FCF1: variants seen among roughly 807,000 people sequenced by gnomAD.
The protein encoded by FCF1 is FCF1 rRNA-processing protein, also known as rRNA-processing protein FCF1 homolog.
A neutral mutation model predicts 32.5 loss-of-function variants in FCF1; 17 were observed. That is an observed-to-expected ratio of 0.52 (90% CI 0.36 to 0.78). FCF1 has a LOEUF of 0.78. FCF1 is among the 30% of genes least tolerant of loss of function. The probability of loss-of-function intolerance (pLI) is 0.00; values close to 1 mark genes in which losing one functional copy is unlikely to be tolerated. For missense variants in FCF1, 201 were observed against 241.1 expected (o/e 0.83, Z 1.10); for synonymous variants, 84 against 78.4 (o/e 1.07, Z -0.38).
intron 3 of FCF1, chr14:74,715,646 T>C (rs1451030472): frequency 5.1e-5 from 22 of 434,854 alleles, no homozygotes; most frequent in Non-Finnish European, 8.5e-5. Flanking sequence ...AACTGTATTC[T>C]ACCTCCCTGT....
chr14:74,730,542 C>A (rs758505178), intron 5 of FCF1, among the ~76,000 whole-genome samples: 1 of 152,160 alleles, frequency 6.6e-6, no homozygotes, highest in Non-Finnish European at 1.5e-5. Context: ...GGTGAAACCT[C>A]ATCTCTGCTA....
At chr14:74,721,019 A>C (rs894288190) in intron 4 of FCF1, among the ~76,000 whole-genome samples, 1 of 150,374 alleles carries the variant, frequency 6.7e-6, no homozygotes, top group Non-Finnish European at 1.5e-5. Context: ...CCGGGATTGC[A>C]GGTGTGTTCC....
At chr14:74,713,261 T>C in intron 1 of FCF1, 61 bp downstream of exon 1, 1 of 1,613,970 alleles carries the variant, frequency 6.2e-7, no homozygotes, top group East Asian at 2.2e-5. Context: ...GAGAAGGAGG[T>C]AGTCAGACCG....
At position 74,735,929 on chromosome 14, in the gene FCF1, G is replaced by A. The variant is rs1301343410; in HGVS notation, c.*999G>A. 6.5e-6 allele frequency: 1 copy of A among 153,150 alleles called. No individual in the cohort carries two copies. The highest frequency in any genetic ancestry group is 1.4e-5 in the Non-Finnish European group (1 of 69,214). The allele number at this position is 153,150 out of a possible 1,614,324, so 9.5% of individuals were successfully genotyped here. On this transcript the variant is annotated 3_prime_UTR_variant, in exon 8 of 8. Coordinates refer to ENST00000341162, the MANE Select transcript of FCF1 (RefSeq NM_015962.5). ...GTTTATTTGTTTGTTTTGAGACGGA[G>A]TCTCGCTCTGTCACCAGGCTGGAGT...
At position 74,713,454 on chromosome 14, in the gene FCF1, A is replaced by G. The variant is rs769537759; in HGVS notation, c.4-31A>G. The G allele has an allele frequency of 6.7e-5, 108 of 1,608,716 alleles. No individual in the cohort carries two copies. In the East Asian group the frequency reaches 2.3e-3, roughly 35 times the overall value. On this transcript the variant is annotated intron_variant, in intron 1 of 7. Transcript: ENST00000341162. ...CTTTAAAAGATGCCGTGTGTTTCCA[A>G]CTTTTTTAATTCTAAAATTTCTGTT...
At chr14:74,716,200 G>A (rs985264946) in intron 4 of FCF1, 101 bp downstream of exon 4, 3 of 1,146,822 alleles carry the variant, frequency 2.6e-6, no homozygotes, top group Non-Finnish European at 3.9e-6. Flanking sequence ...TAACTGAATT[G>A]CTGGCCATTT....
intron 1 of FCF1, 109 bp downstream of exon 1, chr14:74,713,309 A>G (rs755051038): frequency 8.7e-6 from 14 of 1,610,212 alleles, no homozygotes; most frequent in Non-Finnish European, 1.2e-5. Context: ...GCATATTTTC[A>G]TTCTGGTCTT....
intron 4 of FCF1, among the ~76,000 whole-genome samples, chr14:74,718,220 C>G (rs1270475058): frequency 6.6e-6 from 1 of 152,120 alleles, no homozygotes; most frequent in Non-Finnish European, 1.5e-5. Context: ...CTTGAAAAGG[C>G]CTGTTTGATC....
rs2090689051 is a variant in FCF1, at chr14:74,735,034, A to G, written c.*104A>G. On this transcript the variant is annotated 3_prime_UTR_variant, in exon 8 of 8. Transcript: ENST00000341162. ...GATTTTTAAGGAATCAGAGAGACTG[A>G]TGGAGTTCAGGGAGATATTTATTAT... 4 of 906,276 alleles carry G rather than the reference A, an allele frequency of 4.4e-6. No individual in the cohort carries two copies. Among genetic ancestry groups the G allele is most frequent in the Non-Finnish European group, 7.3e-6 (4 of 551,462 alleles). The allele number at this position is 906,276 out of a possible 1,614,324, so 56.1% of individuals were successfully genotyped here. A position where few individuals can be genotyped will look rare whatever the true frequency, so the allele number is the denominator to read the frequency against.
Sources: gnomAD v4.1 joint callset for allele counts (sites outside exome capture counted in the v4.1 genomes callset) on GRCh38, gnomAD v4.1.1 for gene constraint, MANE v1.5 for transcripts, NCBI Gene and HGNC (gene_info 2026-07-23, HGNC 2026-07-21) for gene names.